Variants in PCDH15 observed in about 807,000 individuals in gnomAD.
PCDH15 encodes protocadherin-15.
A neutral mutation model predicts 178.5 loss-of-function variants in PCDH15; 129 were observed. The ratio of observed to expected loss-of-function variants is 0.72; its 90% CI spans 0.63 to 0.84. The LOEUF is 0.84. Ranked by LOEUF, PCDH15 falls within the 40% of genes least tolerant of loss-of-function variation. PCDH15 has a pLI of 0.00. For missense variants in PCDH15, 2,230 were observed against 2,099.9 expected, an observed-to-expected ratio of 1.06 and a Z score of -1.21; for synonymous variants, 800 against 732.0, an observed-to-expected ratio of 1.09 and a Z score of -1.50.
At chr10:55,206,105 G>A (rs997482347) in intron 1 of PCDH15, among the ~76,000 whole-genome samples, 1 of 151,904 alleles carries the variant, frequency 6.6e-6, no homozygotes, top group African/African-American at 2.4e-5. Flanking sequence ...TGGGGACACA[G>A]GGCCAAACCA....
chr10:54,875,947 AC>A lies in PCDH15; in HGVS notation c.-29+21502del, dbSNP rs769325171. On this transcript the variant is annotated intron_variant, in intron 3 of 5. Coordinates refer to the PCDH15 transcript ENST00000458638. The stretch of plus-strand genomic sequence containing the variant: ...ACAAATTTTCAATGTAGATGAAAGA[AC>A]CTTCCATTGAAAGAAATTATCATCT... 3.3e-5 allele frequency among the ~76,000 whole-genome samples: 5 copies of A among 152,292 alleles called. No homozygotes were observed. In the East Asian group the frequency reaches 9.6e-4, roughly 29 times the overall value.
At chr10:53,992,916 T>A (rs527415579) in intron 21 of PCDH15, among the ~76,000 whole-genome samples, 1 of 152,370 alleles carries the variant, frequency 6.6e-6, no homozygotes, top group African/African-American at 2.4e-5. Context: ...TTTATAATTC[T>A]TATTTTGTAT....
chr10:55,426,659 C>G (rs1838765365), intron 2 of PCDH15, among the ~76,000 whole-genome samples: 1 of 152,150 alleles, frequency 6.6e-6, no homozygotes, highest in Non-Finnish European at 1.5e-5. Flanking sequence ...GTCAGTATGA[C>G]AGTCTTTCGC....
chr10:53,817,052 G>A (rs982278174), intron 34 of PCDH15, among the ~76,000 whole-genome samples: 1 of 152,194 alleles, frequency 6.6e-6, no homozygotes, highest in African/African-American at 2.4e-5. Context: ...TATTGGAAAA[G>A]TGGGTAGTGA....
At chr10:54,588,164 A>C in intron 2 of PCDH15, among the ~76,000 whole-genome samples, 1 of 152,188 alleles carries the variant, frequency 6.6e-6, no homozygotes, top group East Asian at 1.9e-4. Flanking sequence ...AATGACACAC[A>C]GCTTAGTGTT....
At chr10:54,820,926 A>G (rs1953027145) in intron 3 of PCDH15, among the ~76,000 whole-genome samples, 1 of 152,088 alleles carries the variant, frequency 6.6e-6, no homozygotes. Context: ...TATTTTGCTT[A>G]TGTATCTTAG....
At chr10:54,910,082 G>T (rs769965046) in intron 2 of PCDH15, among the ~76,000 whole-genome samples, 2 of 152,160 alleles carry the variant, frequency 1.3e-5, no homozygotes, top group Non-Finnish European at 2.9e-5. Context: ...GTGCGAGGGT[G>T]GAGGTGGCAT....
At position 54,264,330 on chromosome 10, in the gene PCDH15, G is replaced by A. The variant is rs184915813; in HGVS notation, c.877-27399C>T. The stretch of plus-strand genomic sequence containing the variant: ...AACTCCCGCAGATGGAAAGGAATAA[G>A]CACAAGAACTCTGGCAATACAAAAA... On this transcript the variant is annotated intron_variant, in intron 8 of 37. Coordinates refer to ENST00000644397, the MANE Select transcript of PCDH15 (RefSeq NM_001384140.1). Among the ~76,000 whole-genome samples, 249 of 152,204 alleles carry A rather than the reference G, an allele frequency of 1.6e-3. 1 individual carries two copies. The highest frequency in any genetic ancestry group is 5.5e-3 in the African/African-American group (230 of 41,536).
chr10:55,395,723 T>A (rs1837911592), intron 2 of PCDH15, among the ~76,000 whole-genome samples: 1 of 152,056 alleles, frequency 6.6e-6, no homozygotes, highest in African/African-American at 2.4e-5. Context: ...CTTTGTATTA[T>A]TTTACATTGT....
Position 55,437,997 on chromosome 10 carries a change from G to A in PCDH15, c.-156+189628C>T, listed in dbSNP as rs550153079. 4.6e-5 allele frequency among the ~76,000 whole-genome samples: 7 copies of A among 151,454 alleles called. No homozygotes were observed. The South Asian group carries it at 1.0e-3, about 23-fold the overall frequency. ...GATTACAGGCATGTGCCACCACGCC[G>A]GCTAATTTTGTATTTTTAGTAGACA... On this transcript the variant is annotated intron_variant, in intron 2 of 5. Coordinates refer to the PCDH15 transcript ENST00000613346.
chr10:54,457,882 TG>T (rs1424264175), intron 3 of PCDH15, among the ~76,000 whole-genome samples: 1 of 152,204 alleles, frequency 6.6e-6, no homozygotes, highest in Non-Finnish European at 1.5e-5. Context: ...CACTGTTTTA[TG>T]CCCAAACATA....
chr10:55,106,139 G>A (rs908621892), intron 2 of PCDH15, among the ~76,000 whole-genome samples: 1 of 152,016 alleles, frequency 6.6e-6, no homozygotes, highest in Non-Finnish European at 1.5e-5. Context: ...GCTACAGCTG[G>A]TTTACAAGAT....
intron 1 of PCDH15, among the ~76,000 whole-genome samples, chr10:55,237,677 A>C (rs1841420111): frequency 6.6e-6 from 1 of 152,160 alleles, no homozygotes; most frequent in South Asian, 2.1e-4. Context: ...ATTATTGCAC[A>C]ACTTTTAAGG....
At chr10:54,858,723 T>G (rs762598075) in intron 3 of PCDH15, among the ~76,000 whole-genome samples, 16 of 151,980 alleles carry the variant, frequency 1.1e-4, no homozygotes, top group Admixed American at 1.1e-3. Context: ...CTACCTAGGT[T>G]TGTTTTATAA....
intron 28 of PCDH15, among the ~76,000 whole-genome samples, chr10:53,841,218 C>T (rs2077620626): frequency 6.6e-6 from 1 of 151,924 alleles, no homozygotes; most frequent in South Asian, 2.1e-4. Context: ...ATGTCTCATT[C>T]CTTATTAAAA....
At chr10:54,220,087 T>C (rs1034836521) in intron 9 of PCDH15, among the ~76,000 whole-genome samples, 4 of 152,204 alleles carry the variant, frequency 2.6e-5, no homozygotes, top group Non-Finnish European at 4.4e-5. Flanking sequence ...GCTTTTACCC[T>C]AGCTTTCATC....
chr10:53,822,315 C>T, intron 32 of PCDH15: 1 of 1,605,900 alleles, frequency 6.2e-7, no homozygotes. Context: ...TGTTGGGGGA[C>T]CAGACGTTGA....
chr10:54,278,337 C>T (rs990335684), intron 8 of PCDH15, among the ~76,000 whole-genome samples: 3 of 151,524 alleles, frequency 2.0e-5, no homozygotes, highest in Non-Finnish European at 4.4e-5. Context: ...TGAACCTTGC[C>T]ATAGTCCTTA....
At chr10:54,906,637 G>A (rs1404648219) in intron 2 of PCDH15, among the ~76,000 whole-genome samples, 5 of 152,006 alleles carry the variant, frequency 3.3e-5, no homozygotes, top group African/African-American at 9.7e-5. Context: ...CAACATCTCC[G>A]TGTCAGTTTG....
Sources: gnomAD v4.1 joint callset for allele counts (sites outside exome capture counted in the v4.1 genomes callset) on GRCh38, gnomAD v4.1.1 for gene constraint, MANE v1.5 for transcripts, NCBI Gene and HGNC (gene_info 2026-07-23, HGNC 2026-07-21) for gene names.